Variants in CYP51A1 observed in about 807,000 individuals in gnomAD.
CYP51A1 encodes cytochrome P450 family 51 subfamily A member 1.
CYP51A1 carries 45 observed loss-of-function variants against 53.5 expected under a neutral mutation model. That is an observed-to-expected ratio of 0.84 (90% CI 0.66 to 1.08). The LOEUF is 1.08. CYP51A1 is among the 50% of genes least tolerant of loss of function. The pLI, the probability that CYP51A1 is intolerant of heterozygous loss-of-function variation, is 0.00. For synonymous variants in CYP51A1, 181 were observed against 217.7 expected (o/e 0.83, Z 1.48); for missense variants, 462 against 621.7 (o/e 0.74, Z 2.73).
intron 9 of CYP51A1, among the ~76,000 whole-genome samples, chr7:92,114,116 G>C (rs1161746560): frequency 6.6e-6 from 1 of 152,066 alleles, no homozygotes. Context: ...TGGAAAGTTT[G>C]AATCATAAGA....
intron 8 of CYP51A1, among the ~76,000 whole-genome samples, chr7:92,117,984 G>A (rs1286393267): frequency 4.9e-5 from 6 of 121,406 alleles, no homozygotes; most frequent in East Asian, 4.9e-4. Flanking sequence ...GTGAAATGCC[G>A]TCTCAAAAAA....
chr7:92,115,587 A>G (rs1341340760), intron 9 of CYP51A1, among the ~76,000 whole-genome samples: 2 of 152,192 alleles, frequency 1.3e-5, no homozygotes, highest in Admixed American at 1.3e-4. Context: ...CCAGCCTCCA[A>G]AACTGTGATA....
At chr7:92,115,518 ATTC>A (rs1356293445) in intron 9 of CYP51A1, among the ~76,000 whole-genome samples, 5 of 152,220 alleles carry the variant, frequency 3.3e-5, no homozygotes, top group African/African-American at 1.2e-4. Flanking sequence ...GCAAGGAAGG[ATTC>A]TCCTGTAGAA....
intron 7 of CYP51A1, among the ~76,000 whole-genome samples, chr7:92,121,213 C>A (rs1469635325): frequency 6.6e-6 from 1 of 151,640 alleles, no homozygotes; most frequent in African/African-American, 2.4e-5. Context: ...ACCTGGGAAG[C>A]CGAGGTTGCA....
At chr7:92,130,819 G>C (rs1202087761) in intron 2 of CYP51A1, among the ~76,000 whole-genome samples, 1 of 152,180 alleles carries the variant, frequency 6.6e-6, no homozygotes, top group Non-Finnish European at 1.5e-5. Flanking sequence ...CAGAAGTTTA[G>C]AAAAGTGAAG....
intron 2 of CYP51A1, 120 bp downstream of exon 2, chr7:92,131,654 T>C (rs911066887): frequency 1.9e-5 from 11 of 581,342 alleles, no homozygotes; most frequent in Non-Finnish European, 3.1e-5. Context: ...TTGTTTCCTA[T>C]ACTGAGGATA....
At chr7:92,116,035 G>T (rs1378215336) in intron 9 of CYP51A1, among the ~76,000 whole-genome samples, 1 of 152,232 alleles carries the variant, frequency 6.6e-6, no homozygotes, top group Non-Finnish European at 1.5e-5. Context: ...ACTGTGGGAG[G>T]CCAAGGTGGG....
At chr7:92,123,875 G>T (rs1819742814) in intron 5 of CYP51A1, 22 bp from the exon 6 acceptor site, 5 of 1,544,398 alleles carry the variant, frequency 3.2e-6, no homozygotes, top group Non-Finnish European at 3.5e-6. Context: ...AGATAAAGAT[G>T]ATTTTCTTAA....
chr7:92,123,739 T>A lies in CYP51A1; in HGVS notation c.885A>T (p.Thr295=), dbSNP rs765878138. ...DDILQTLLDA[T]YKDGRPLTDD... is the part of the protein sequence containing the mutation. Reference sequence around the variant, plus strand: ...GTTATCTGAATAGCTCTTACTTGTATGTAGCATCTAGTAAAGTTTGGAGAA... The same window carrying A: ...GTTATCTGAATAGCTCTTACTTGTAAGTAGCATCTAGTAAAGTTTGGAGAA... Residue 295 remains threonine, a synonymous_variant, in exon 6 of 10, where the codon ACA becomes ACT. Transcript: ENST00000003100. 6.8e-6 allele frequency: 11 copies of A among 1,606,630 alleles called. No individual in the cohort carries two copies. The highest frequency in any genetic ancestry group is 9.3e-6 in the Non-Finnish European group (11 of 1,177,598).
chr7:92,125,495 T>A (rs537694193), intron 5 of CYP51A1, among the ~76,000 whole-genome samples: 1 of 152,328 alleles, frequency 6.6e-6, no homozygotes, highest in South Asian at 2.1e-4. Context: ...GATCAAGTCC[T>A]AAGAGCAATA....
intron 6 of CYP51A1, 27 bp downstream of exon 6, chr7:92,123,707 T>C (rs1819737722): frequency 1.3e-6 from 2 of 1,575,628 alleles, no homozygotes; most frequent in East Asian, 4.5e-5. Flanking sequence ...CTGCTTCAGC[T>C]TAATATGTTA....
At chr7:92,134,499 G>A (rs1820003633), upstream of CYP51A1, 1 of 927,764 alleles carries the variant, frequency 1.1e-6, no homozygotes, top group East Asian at 2.8e-5. Context: ...CACCCCTCGG[G>A]TCCCACGCGC....
At chr7:92,117,336 T>C in intron 8 of CYP51A1, 124 bp from the exon 9 acceptor site, 1 of 718,232 alleles carries the variant, frequency 1.4e-6, no homozygotes, top group Non-Finnish European at 2.2e-6. Flanking sequence ...TTATGATAGG[T>C]TTACATCCTG....
At chr7:92,124,090 T>A (rs1314758270) in intron 5 of CYP51A1, among the ~76,000 whole-genome samples, 2 of 152,190 alleles carry the variant, frequency 1.3e-5, no homozygotes, top group Admixed American at 6.5e-5. Context: ...AACATATATA[T>A]CCCAGATTCT....
At chr7:92,123,090 G>C in intron 7 of CYP51A1, 30 bp downstream of exon 7, 1 of 1,551,366 alleles carries the variant, frequency 6.4e-7, no homozygotes. Context: ...AAGTCATAAG[G>C]CAGCAATGAA....
chr7:92,127,361 A>C, intron 4 of CYP51A1, 144 bp downstream of exon 4: 1 of 726,962 alleles, frequency 1.4e-6, no homozygotes, highest in Non-Finnish European at 2.2e-6. Context: ...ACTTCATGGT[A>C]ATCATTACAT....
chr7:92,132,030 C>A, intron 1 of CYP51A1, 158 bp from the exon 2 acceptor site: 56 of 497,424 alleles, frequency 1.1e-4, no homozygotes, highest in Non-Finnish European at 1.6e-4. Flanking sequence ...TGAGAACAGC[C>A]AAATTGCAAA....
chr7:92,118,881 T>C lies in CYP51A1; in HGVS notation c.1087-266A>G, dbSNP rs375846860. On this transcript the variant is annotated intron_variant, in intron 7 of 9. Transcript: ENST00000003100. ...CAAAAAATGAAAACAGTAGCAACAA[T>C]CTTAATGTCAACTTTTTCAAAATTC... Among the ~76,000 whole-genome samples the C allele has an allele frequency of 5.3e-5, 8 of 152,246 alleles. No individual in the cohort carries two copies. In the East Asian group the frequency reaches 1.4e-3, roughly 26 times the overall value.
At chr7:92,130,745 T>G (rs1301466893) in intron 2 of CYP51A1, among the ~76,000 whole-genome samples, 1 of 152,212 alleles carries the variant, frequency 6.6e-6, no homozygotes, top group Non-Finnish European at 1.5e-5. Flanking sequence ...AAATCAACGT[T>G]TTTAATCATT....
Sources: gnomAD v4.1 joint callset for allele counts (sites outside exome capture counted in the v4.1 genomes callset) on GRCh38, gnomAD v4.1.1 for gene constraint, MANE v1.5 for transcripts, NCBI Gene and HGNC (gene_info 2026-07-23, HGNC 2026-07-21) for gene names.